Variants in ST6GALNAC3 observed in about 807,000 individuals in gnomAD.
ST6GALNAC3 encodes the protein ST6 N-acetylgalactosaminide alpha-2,6-sialyltransferase 3.
In ST6GALNAC3, 25 loss-of-function variants were observed where a neutral mutation model predicts 32.7. The ratio of observed to expected loss-of-function variants is 0.76; its 90% confidence interval spans 0.56 to 1.07. ST6GALNAC3 has a LOEUF of 1.07. ST6GALNAC3 is among the 50% of genes least tolerant of loss of function. The probability of loss-of-function intolerance (pLI) is 0.00; values close to 1 mark genes in which losing one functional copy is unlikely to be tolerated. For synonymous variants in ST6GALNAC3, 129 were observed against 133.1 expected (o/e 0.97, Z 0.21); for missense variants, 355 against 382.4 (o/e 0.93, Z 0.60).
chr1:76,558,702 A>G (rs899005381), intron 3 of ST6GALNAC3, among the ~76,000 whole-genome samples: 3 of 152,192 alleles, frequency 2.0e-5, no homozygotes, highest in African/African-American at 7.2e-5. Flanking sequence ...TAGTGCTGCA[A>G]TTTACCCATG....
At chr1:76,327,954 C>T (rs1266359236) in intron 2 of ST6GALNAC3, among the ~76,000 whole-genome samples, 2 of 152,076 alleles carry the variant, frequency 1.3e-5, no homozygotes, top group East Asian at 1.9e-4. Context: ...TAAAATAAAC[C>T]ATCACAATGT....
chr1:76,160,058 G>C (rs1481224825), intron 1 of ST6GALNAC3, among the ~76,000 whole-genome samples: 1 of 152,148 alleles, frequency 6.6e-6, no homozygotes, highest in Non-Finnish European at 1.5e-5. Context: ...GAAACTTGCA[G>C]AGAAGGTATT....
intron 2 of ST6GALNAC3, among the ~76,000 whole-genome samples, chr1:76,396,892 T>C (rs923931608): frequency 6.6e-6 from 1 of 152,212 alleles, no homozygotes; most frequent in African/African-American, 2.4e-5. Context: ...GTTTGTCTAG[T>C]TTCTGCAGTC....
chr1:76,404,225 C>A (rs937992543), intron 2 of ST6GALNAC3, among the ~76,000 whole-genome samples: 2 of 152,024 alleles, frequency 1.3e-5, no homozygotes, highest in African/African-American at 2.4e-5. Flanking sequence ...TCAAATCTGT[C>A]TTTTTATGTG....
chr1:76,119,824 T>TTC (rs1648749699), intron 1 of ST6GALNAC3, among the ~76,000 whole-genome samples: 2 of 5,388 alleles, frequency 3.7e-4, no homozygotes, highest in Non-Finnish European at 8.3e-4. Context: ...ATGTAATAGA[T>TTC]AGATGTAATC....
chr1:76,112,374 A>AC (rs1443389054), intron 1 of ST6GALNAC3, among the ~76,000 whole-genome samples: 120 of 122,512 alleles, frequency 9.8e-4, no homozygotes, highest in Non-Finnish European at 1.4e-3. Flanking sequence ...CGGGGGGCTG[A>AC]CCCCCCCACC....
At chr1:76,233,980 A>C (rs1186925312) in intron 1 of ST6GALNAC3, among the ~76,000 whole-genome samples, 3 of 152,226 alleles carry the variant, frequency 2.0e-5, no homozygotes, top group Non-Finnish European at 4.4e-5. Flanking sequence ...GACGATAATG[A>C]AAACATTTAA....
chr1:76,526,090 T>C (rs564291888), intron 3 of ST6GALNAC3, among the ~76,000 whole-genome samples: 1 of 151,858 alleles, frequency 6.6e-6, no homozygotes, highest in East Asian at 2.0e-4. Flanking sequence ...CCATTAGATT[T>C]TGGAAGAGCA....
intron 3 of ST6GALNAC3, among the ~76,000 whole-genome samples, chr1:76,418,576 G>A (rs533897944): frequency 6.6e-6 from 1 of 151,938 alleles, no homozygotes; most frequent in Non-Finnish European, 1.5e-5. Context: ...AGAGATAATA[G>A]GCAAAAGACA....
intron 3 of ST6GALNAC3, among the ~76,000 whole-genome samples, chr1:76,426,594 A>AAG (rs919359285): frequency 6.6e-6 from 1 of 150,982 alleles, no homozygotes; most frequent in Non-Finnish European, 1.5e-5. Context: ...GAGAGAGAGA[A>AAG]AGAGAGAGAG....
intron 1 of ST6GALNAC3, among the ~76,000 whole-genome samples, chr1:76,103,282 A>G (rs1647310322): frequency 6.6e-6 from 1 of 151,750 alleles, no homozygotes; most frequent in Admixed American, 6.6e-5. Flanking sequence ...CTTGTCAAAT[A>G]TTGCTTTTCC....
intron 1 of ST6GALNAC3, among the ~76,000 whole-genome samples, chr1:76,180,152 G>T (rs1653087166): frequency 6.6e-6 from 1 of 152,162 alleles, no homozygotes. Context: ...AAAGAACCTA[G>T]CACATACTAG....
intron 3 of ST6GALNAC3, among the ~76,000 whole-genome samples, chr1:76,501,369 C>G (rs1047567955): frequency 6.6e-6 from 1 of 152,200 alleles, no homozygotes; most frequent in East Asian, 1.9e-4. Flanking sequence ...TGATTCAGAG[C>G]AAGGGCTTTA....
At chr1:76,451,129 T>C (rs1657369581) in intron 3 of ST6GALNAC3, among the ~76,000 whole-genome samples, 2 of 152,220 alleles carry the variant, frequency 1.3e-5, no homozygotes, top group Non-Finnish European at 2.9e-5. Context: ...AATTTGCAGA[T>C]TGCTTTTAGC....
chr1:76,089,293 T>C (rs1243746959), intron 1 of ST6GALNAC3, among the ~76,000 whole-genome samples: 5 of 152,150 alleles, frequency 3.3e-5, no homozygotes, highest in Non-Finnish European at 7.3e-5. Flanking sequence ...CCTCGTGATC[T>C]GCCCGCCTTG....
chr1:76,081,943 A>G (rs1004208269), intron 1 of ST6GALNAC3, among the ~76,000 whole-genome samples: 3 of 152,242 alleles, frequency 2.0e-5, no homozygotes, highest in African/African-American at 7.2e-5. Flanking sequence ...TGCACTGCAT[A>G]GGCATGAAGT....
chr1:76,372,723 C>T (rs990071906), intron 2 of ST6GALNAC3, among the ~76,000 whole-genome samples: 1 of 152,054 alleles, frequency 6.6e-6, no homozygotes, highest in African/African-American at 2.4e-5. Flanking sequence ...TTTATTTGTT[C>T]TTTGACTTCA....
chr1:76,525,911 A>T (rs1662885709), intron 3 of ST6GALNAC3, among the ~76,000 whole-genome samples: 1 of 149,098 alleles, frequency 6.7e-6, no homozygotes, highest in Non-Finnish European at 1.5e-5. Flanking sequence ...CTTCAGATGG[A>T]CACCTCTTTA....
At chr1:76,258,910 A>C (rs1156366555) in intron 1 of ST6GALNAC3, among the ~76,000 whole-genome samples, 1 of 152,160 alleles carries the variant, frequency 6.6e-6, no homozygotes, top group Non-Finnish European at 1.5e-5. Context: ...TGTGACTGTC[A>C]ACATTTACAT....
Sources: allele counts gnomAD v4.1 joint callset (sites outside exome capture counted in the v4.1 genomes callset), GRCh38; gene constraint gnomAD v4.1.1; transcripts MANE v1.5; gene names NCBI Gene and HGNC (gene_info 2026-07-23, HGNC 2026-07-21).